The following PKD2 variants were observed in gnomAD, a reference collection of about 807,000 sequenced individuals.
The protein encoded by PKD2 is polycystin-2.
PKD2 carries 48 observed loss-of-function variants against 105.9 expected under a neutral mutation model. That is an observed-to-expected ratio of 0.45 (90% CI 0.36 to 0.58). PKD2 has a LOEUF of 0.58. Among genes scored for constraint, PKD2 ranks in the 20% least tolerant of loss-of-function variants. The pLI is 0.00. For missense variants in PKD2, 1,078 were observed against 1,255.3 expected (o/e 0.86, Z 2.13); for synonymous variants, 464 against 481.1 (o/e 0.96, Z 0.46).
Position 88,046,642 on chromosome 4 carries a change from G to A in PKD2, c.1320G>A (p.Arg440=), listed in dbSNP as rs886041114. The A allele has an allele frequency of 8.9e-6, 14 of 1,569,710 alleles. No homozygotes were observed. The highest frequency in any genetic ancestry group is 1.2e-5 in the Non-Finnish European group (14 of 1,139,742). The part of the protein sequence containing the change: ...NANINLFCVV[R]LLVEFPATGG... ...TTTAATTGTTCTTATTTACATGCAG[G>A]TTATTGGTTGAATTCCCAGCAACAG... The change falls in exon 6 of 15, where the codon AGG becomes AGA. Residue 440 remains arginine (R), a splice_region_variant and synonymous_variant. Transcript: ENST00000237596.
At chr4:88,035,438 T>C (rs1221065773) in intron 2 of PKD2, among the ~76,000 whole-genome samples, 1 of 152,092 alleles carries the variant, frequency 6.6e-6, no homozygotes, top group East Asian at 1.9e-4. Context: ...AGAGATGTGG[T>C]GGGGTTAAGA....
At chr4:88,069,807 C>T (rs1370151807) in intron 13 of PKD2, among the ~76,000 whole-genome samples, 1 of 152,106 alleles carries the variant, frequency 6.6e-6, no homozygotes, top group Admixed American at 6.5e-5. Context: ...AAGTTATCAT[C>T]TGTCGTCATT....
intron 7 of PKD2, among the ~76,000 whole-genome samples, chr4:88,053,258 C>T (rs1720181263): frequency 6.6e-6 from 1 of 152,154 alleles, no homozygotes; most frequent in Non-Finnish European, 1.5e-5. Flanking sequence ...TAGAACATTT[C>T]CATCATCACA....
intron 2 of PKD2, among the ~76,000 whole-genome samples, chr4:88,022,632 C>G (rs1413641249): frequency 6.6e-6 from 1 of 152,178 alleles, no homozygotes; most frequent in African/African-American, 2.4e-5. Flanking sequence ...TTTTTAATTA[C>G]TAGTTTTAAA....
At position 88,046,713 on chromosome 4, in the gene PKD2, G is replaced by C. The variant is rs144390370; in HGVS notation, c.1391G>C (p.Arg464Pro). ...SWQFQPLKLI[R>P]YVTTFDFFLA... ...CAATTTCAGCCTTTAAAGCTGATCC[G>C]ATATGTCACAACTTTTGATTTCTTC... Residue 464 changes from arginine (R) to proline (P), a missense_variant, in exon 6 of 15, where the codon CGA becomes CCA. By Grantham distance (103) the Arg-to-Pro change is moderately radical. This residue lies in a region of PKD2 where 868 missense variants were observed against 1,067.3 expected (regional missense o/e 0.81). Transcript: ENST00000237596. The C allele has an allele frequency of 6.2e-7, 1 of 1,613,444 alleles. No homozygotes were observed. Among genetic ancestry groups the C allele is most frequent in the South Asian group, 1.1e-5 (1 of 91,064 alleles).
At chr4:88,042,587 G>C (rs1295437719) in intron 4 of PKD2, among the ~76,000 whole-genome samples, 1 of 152,094 alleles carries the variant, frequency 6.6e-6, no homozygotes, top group Non-Finnish European at 1.5e-5. Context: ...TCCCTCCACT[G>C]CCAGATCCCC....
At chr4:88,014,738 A>T (rs1726504231) in intron 1 of PKD2, among the ~76,000 whole-genome samples, 1 of 152,336 alleles carries the variant, frequency 6.6e-6, no homozygotes, top group African/African-American at 2.4e-5. Context: ...CAATGAACTG[A>T]TAGTTCAGAT....
chr4:88,075,084 ACAATGATGTTTC>A, intron 14 of PKD2, 125 bp downstream of exon 14: 2 of 998,894 alleles, frequency 2.0e-6, no homozygotes, highest in Admixed American at 4.5e-5. Context: ...ATAGAAATTC[ACAATGATGTTTC>A]CATTTACTCT....
intron 1 of PKD2, among the ~76,000 whole-genome samples, chr4:88,015,346 G>A (rs1459187720): frequency 6.6e-6 from 1 of 152,142 alleles, no homozygotes; most frequent in African/African-American, 2.4e-5. Context: ...GTTGGATCTA[G>A]GTGATAGATT....
intron 2 of PKD2, among the ~76,000 whole-genome samples, chr4:88,031,505 C>A (rs1166749318): frequency 6.6e-6 from 1 of 152,106 alleles, no homozygotes; most frequent in Non-Finnish European, 1.5e-5. Flanking sequence ...GGCAGATTAC[C>A]TGGAATACTG....
intron 2 of PKD2, among the ~76,000 whole-genome samples, chr4:88,031,513 C>A (rs1417404962): frequency 6.6e-6 from 1 of 152,152 alleles, no homozygotes; most frequent in Non-Finnish European, 1.5e-5. Context: ...ACCTGGAATA[C>A]TGTGGCCAAG....
chr4:88,008,414 C>T (rs1726269799), intron 1 of PKD2, 86 bp downstream of exon 1: 2 of 1,433,948 alleles, frequency 1.4e-6, no homozygotes, highest in South Asian at 1.4e-5. Flanking sequence ...GGCAGCTCCC[C>T]GGGCTCCATC....
At chr4:88,051,107 G>T (rs1422005746) in intron 6 of PKD2, among the ~76,000 whole-genome samples, 1 of 152,166 alleles carries the variant, frequency 6.6e-6, no homozygotes, top group East Asian at 1.9e-4. Flanking sequence ...TGCCAAGGAG[G>T]GGGCAGTGTC....
Position 88,008,276 on chromosome 4 carries a change from A to G in PKD2, c.543A>G (p.Glu181=). ...GDPLHRHLPL[E]GQPPRVAWAE... ...CGCTGCATCGCCACCTCCCCCTGGA[A>G]GGGCAGCCGCCCCGAGTGGCCTGGG... The change falls in exon 1 of 15, where the codon GAA becomes GAG. Residue 181 remains glutamate (E), a synonymous_variant. Transcript: ENST00000237596. The G allele has an allele frequency of 6.8e-7, 1 of 1,475,194 alleles. No homozygotes were observed. The highest frequency in any genetic ancestry group is 8.9e-7 in the Non-Finnish European group (1 of 1,118,336). 91.4% of individuals were successfully genotyped at this position (1,475,194 alleles called of 1,614,324 possible). A position where few individuals can be genotyped will look rare whatever the true frequency, so the allele number is the denominator to read the frequency against.
rs576771215 is a variant in PKD2, at chr4:88,032,574, A to G, written c.710-3646A>G. On this transcript the variant is annotated intron_variant, in intron 2 of 14. Transcript: ENST00000237596. ...AAGAAAGATGTGTACATATGTACAG[A>G]TGTATGTGTCCTTTATATGTTTTTT... is the stretch of plus-strand genomic sequence containing the variant. Among the ~76,000 whole-genome samples the G allele has an allele frequency of 5.9e-5, 9 of 152,302 alleles. 1 individual carries two copies. In the South Asian group the frequency reaches 1.2e-3, roughly 21 times the overall value.
chr4:88,068,172 T>A, intron 13 of PKD2, 111 bp downstream of exon 13: 1 of 960,810 alleles, frequency 1.0e-6, no homozygotes, highest in Non-Finnish European at 1.7e-6. Flanking sequence ...ATCCAGCTTT[T>A]AAAAATAACT....
chr4:88,020,475 G>A (rs1726709895), intron 2 of PKD2, among the ~76,000 whole-genome samples: 1 of 152,030 alleles, frequency 6.6e-6, no homozygotes, highest in South Asian at 2.1e-4. Context: ...GGTAGGGGGA[G>A]GGGAGGGATG....
At chr4:88,039,003 C>A (rs905914845) in intron 4 of PKD2, among the ~76,000 whole-genome samples, 1 of 152,158 alleles carries the variant, frequency 6.6e-6, no homozygotes, top group Non-Finnish European at 1.5e-5. Context: ...TATTTGTACA[C>A]GTGCATATTT....
rs185839785 is a variant in PKD2 at position 88,017,513 on chromosome 4, G to A, written c.596-1945G>A. On this transcript the variant is annotated intron_variant, in intron 1 of 14. Coordinates refer to ENST00000237596, the MANE Select transcript of PKD2 (RefSeq NM_000297.4). ...CAACCTCTGTCTCCCGGGTTCAACC[G>A]ATTCTTCTGCCTCAGCCTCCCATGT... is the stretch of plus-strand genomic sequence containing the variant. 3.4e-4 allele frequency among the ~76,000 whole-genome samples: 52 copies of A among 152,230 alleles called. No homozygotes were observed. In the East Asian group the frequency reaches 9.5e-3, roughly 28 times the overall value.
Sources: allele counts gnomAD v4.1 joint callset (sites outside exome capture counted in the v4.1 genomes callset), GRCh38; gene constraint gnomAD v4.1.1; regional missense constraint gnomAD v4.1.1; transcripts MANE v1.5; gene names NCBI Gene and HGNC (gene_info 2026-07-23, HGNC 2026-07-21).